The following SUCO variants were observed in gnomAD, a reference collection of about 807,000 sequenced individuals.
The protein encoded by SUCO is SUN domain containing ossification factor.
SUCO carries 57 observed loss-of-function variants against 148.1 expected under a neutral mutation model. The observed-to-expected ratio is 0.38, with a 90% CI of 0.31 to 0.48. The LOEUF is 0.48. Among genes scored for constraint, SUCO ranks in the 20% least tolerant of loss-of-function variants. The pLI is 0.96. For missense variants in SUCO, 1,331 were observed against 1,468.2 expected, an observed-to-expected ratio of 0.91 and a Z score of 1.53; for synonymous variants, 470 against 502.7, an observed-to-expected ratio of 0.93 and a Z score of 0.87.
chr1:172,590,980 A>G lies in SUCO; in HGVS notation c.2826-4A>G. 1.2e-6 allele frequency: 2 copies of G among 1,606,194 alleles called. No individual in the cohort carries two copies. The highest frequency in any genetic ancestry group is 8.5e-7 in the Non-Finnish European group (1 of 1,174,300). ...GCTGATTTAGACCAATTCTTACTTC[A>G]TAGGTACCGAAAACAAATGGAAGAA... is the stretch of plus-strand genomic sequence containing the variant. On this transcript the variant is annotated splice_region_variant and splice_polypyrimidine_tract_variant and intron_variant, in intron 18 of 23. Transcript: ENST00000263688.
At chr1:172,572,568 G>GC (rs762244663) in intron 9 of SUCO, among the ~76,000 whole-genome samples, 70 of 151,908 alleles carry the variant, frequency 4.6e-4, no homozygotes, top group South Asian at 4.0e-3. Context: ...ACTGCGGAAG[G>GC]CCGCAGGGTC....
chr1:172,570,626 C>T (rs1279188294), intron 8 of SUCO, 37 bp from the exon 9 acceptor site: 2 of 1,328,648 alleles, frequency 1.5e-6, no homozygotes, highest in South Asian at 2.5e-5. Context: ...TTCATTATTC[C>T]TTAAGTAATT....
At position 172,572,509 on chromosome 1, in the gene SUCO, A is replaced by C. The variant is rs577134778; in HGVS notation, c.1050-1382A>C. On this transcript the variant is annotated intron_variant, in intron 9 of 23. Coordinates refer to ENST00000263688, the MANE Select transcript of SUCO (RefSeq NM_014283.5). ...ACAGATGCTTGAAGGCAGCATGCTC[A>C]TTAAGAGTCATCACCACTCCCTAAT... Among the ~76,000 whole-genome samples, 25 of 151,942 alleles carry C rather than the reference A, an allele frequency of 1.6e-4. No individual in the cohort carries two copies. In the East Asian group the frequency reaches 4.1e-3, roughly 25 times the overall value.
chr1:172,542,079 G>C (rs555902473), intron 1 of SUCO, among the ~76,000 whole-genome samples: 1 of 152,232 alleles, frequency 6.6e-6, no homozygotes, highest in Non-Finnish European at 1.5e-5. Flanking sequence ...CTTGAATGCA[G>C]ATAAAATTTG....
At chr1:172,590,008 G>A in intron 18 of SUCO, 82 bp downstream of exon 18, 12 of 1,143,662 alleles carry the variant, frequency 1.0e-5, no homozygotes, top group South Asian at 7.9e-5. Context: ...TTACAGGAGA[G>A]GATTTAATTA....
chr1:172,561,231 A>G (rs1431076787), intron 6 of SUCO, among the ~76,000 whole-genome samples: 1 of 152,218 alleles, frequency 6.6e-6, no homozygotes, highest in Non-Finnish European at 1.5e-5. Flanking sequence ...CACTGGAGGT[A>G]TACATACCCA....
At chr1:172,567,251 A>G (rs1654617330) in intron 6 of SUCO, among the ~76,000 whole-genome samples, 1 of 152,238 alleles carries the variant, frequency 6.6e-6, no homozygotes, top group African/African-American at 2.4e-5. Context: ...TTCCTATCTA[A>G]TAGATTTTGT....
chr1:172,567,109 G>A (rs1463389939), intron 6 of SUCO, among the ~76,000 whole-genome samples: 1 of 152,212 alleles, frequency 6.6e-6, no homozygotes, highest in Non-Finnish European at 1.5e-5. Context: ...GGGAGGTTTG[G>A]AAATGGCTCT....
intron 6 of SUCO, among the ~76,000 whole-genome samples, 192 bp downstream of exon 6, chr1:172,557,986 A>G (rs1408865591): frequency 6.6e-6 from 1 of 152,222 alleles, no homozygotes; most frequent in African/African-American, 2.4e-5. Context: ...TGTTTATCAC[A>G]TAAAGTTGTT....
intron 1 of SUCO, among the ~76,000 whole-genome samples, chr1:172,538,004 G>A (rs1652152130): frequency 6.6e-6 from 1 of 152,180 alleles, no homozygotes. Context: ...GAGTGTATGT[G>A]AGGAGAGATG....
chr1:172,587,049 TA>T lies in SUCO; in HGVS notation c.1658+1104del, dbSNP rs373057029. 4.2e-3 allele frequency among the ~76,000 whole-genome samples: 637 copies of T among 152,126 alleles called. 4 individuals are homozygous for T. Among genetic ancestry groups the T allele is most frequent in the South Asian group, 0.018 (87 of 4,828 alleles). On this transcript the variant is annotated intron_variant, in intron 17 of 23. Transcript: ENST00000263688. ...CACGCTATGTCGTATTTTTCAAAAC[TA>T]AATAAAACTGATTTGGTTTTTTATA...
chr1:172,598,141 A>G (rs941068513), intron 19 of SUCO, among the ~76,000 whole-genome samples: 1 of 152,192 alleles, frequency 6.6e-6, no homozygotes, highest in African/African-American at 2.4e-5. Context: ...CTTTTTGGAA[A>G]GTCAGGGTTA....
chr1:172,589,070 G>T lies in SUCO; in HGVS notation c.1969G>T (p.Asp657Tyr). ...CCGAACTGCTTTGAGTAAAGGAAAA[G>T]ATTATCTTGTGTTAGCTCAACCACC... ...RSRTALSKGK[D>Y]YLVLAQPPLL... The change falls in exon 18 of 24, where the codon GAT becomes TAT. Residue 657 changes from aspartate to tyrosine, a missense_variant. This residue lies in a region of SUCO where 992 missense variants were observed against 1,093.5 expected (regional missense o/e 0.91). Transcript: ENST00000263688. The T allele has an allele frequency of 6.2e-7, 1 of 1,613,786 alleles. No individual in the cohort carries two copies. Among genetic ancestry groups the T allele is most frequent in the Non-Finnish European group, 8.5e-7 (1 of 1,179,846 alleles).
intron 11 of SUCO, chr1:172,577,245 T>C (rs1655513753): frequency 1.2e-5 from 2 of 171,504 alleles, no homozygotes; most frequent in African/African-American, 4.8e-5. Context: ...GAATGCTTTC[T>C]ATCTAACAGC....
intron 16 of SUCO, 105 bp from the exon 17 acceptor site, chr1:172,585,753 C>CT: frequency 1.4e-6 from 1 of 709,238 alleles, no homozygotes; most frequent in Non-Finnish European, 2.4e-6. Context: ...AGTAGCAAAC[C>CT]TATTTGGCTT....
upstream of SUCO, chr1:172,532,758 C>T (rs1651679627): frequency 5.0e-6 from 8 of 1,613,578 alleles, no homozygotes; most frequent in South Asian, 8.8e-5. Flanking sequence ...ACTACAACTC[C>T]CAAAGGCCCT....
At chr1:172,556,530 A>G in intron 4 of SUCO, 1 of 881,036 alleles carries the variant, frequency 1.1e-6, no homozygotes, top group Non-Finnish European at 1.4e-6. Flanking sequence ...GCAGCAGTCC[A>G]AAGAACAAAA....
chr1:172,593,720 A>G lies in SUCO; in HGVS notation c.2913+2649A>G, dbSNP rs184348617. Among the ~76,000 whole-genome samples the G allele has an allele frequency of 8.7e-3, 1,325 of 152,282 alleles. 16 individuals are homozygous for G. The highest frequency in any genetic ancestry group is 0.026 in the Admixed American group (403 of 15,294). Reference sequence around the variant, plus strand: ...TTTTGCATCAATGTTCATCAGGGATATTGGTCTAAAATTCTCTTGTTTTGT... The same window carrying G: ...TTTTGCATCAATGTTCATCAGGGATGTTGGTCTAAAATTCTCTTGTTTTGT... On this transcript the variant is annotated intron_variant, in intron 19 of 23. Transcript: ENST00000263688.
At chr1:172,552,342 A>G (rs1035311547) in intron 2 of SUCO, among the ~76,000 whole-genome samples, 2 of 152,082 alleles carry the variant, frequency 1.3e-5, no homozygotes, top group African/African-American at 4.8e-5. Flanking sequence ...TAAATATATT[A>G]CAAATTGCCA....
Sources: allele counts gnomAD v4.1 joint callset (sites outside exome capture counted in the v4.1 genomes callset), GRCh38; gene constraint gnomAD v4.1.1; regional missense constraint gnomAD v4.1.1; transcripts MANE v1.5; gene names NCBI Gene and HGNC (gene_info 2026-07-23, HGNC 2026-07-21).